The following MYO7B variants were observed in gnomAD, a reference collection of about 807,000 sequenced individuals.
MYO7B encodes myosin VIIB.
Under a neutral mutation model 259.7 loss-of-function variants are expected in MYO7B, and 212 were observed. The observed-to-expected ratio is 0.82, with a 90% CI of 0.73 to 0.91. MYO7B has a LOEUF of 0.91. MYO7B is among the 40% of genes least tolerant of loss of function. The pLI is 0.00. For missense variants in MYO7B, 2,732 were observed against 2,813.5 expected (o/e 0.97, Z 0.66); for synonymous variants, 1,197 against 1,166.4 (o/e 1.03, Z -0.54).
At chr2:127,608,489 T>G (rs1318065907) in intron 21 of MYO7B, among the ~76,000 whole-genome samples, 1 of 152,226 alleles carries the variant, frequency 6.6e-6, no homozygotes, top group Non-Finnish European at 1.5e-5. Context: ...TCTCCAGAGC[T>G]CTGATTATCA....
chr2:127,626,170 G>A (rs1201692885), intron 31 of MYO7B: 2 of 152,392 alleles, frequency 1.3e-5, no homozygotes, highest in African/African-American at 2.4e-5. Flanking sequence ...AAGGTGGGGA[G>A]TTAGGAAAGA....
intron 14 of MYO7B, among the ~76,000 whole-genome samples, chr2:127,587,716 A>T (rs1349072808): frequency 6.6e-6 from 1 of 151,902 alleles, no homozygotes; most frequent in African/African-American, 2.4e-5. Flanking sequence ...TTACAGGCAC[A>T]TGCCACCATG....
intron 43 of MYO7B, 46 bp from the exon 44 acceptor site, chr2:127,635,676 G>C (rs764804451): frequency 6.5e-7 from 1 of 1,543,644 alleles, no homozygotes; most frequent in African/African-American, 1.4e-5. Context: ...GGGGGCGGGT[G>C]GGCCGCAGCT....
Position 127,576,237 on chromosome 2 carries a change from GGCTGTCAGATCTCTCGTGGGCCACTAAGT to G in MYO7B, c.736-355_736-327del, listed in dbSNP as rs1678860837. Among the ~76,000 whole-genome samples the G allele has an allele frequency of 6.6e-6, 1 of 152,016 alleles. No individual in the cohort carries two copies. The highest frequency in any genetic ancestry group is 1.5e-5 in the Non-Finnish European group (1 of 67,994). On this transcript the variant is annotated intron_variant, in intron 7 of 47. Coordinates refer to ENST00000409816, the MANE Select transcript of MYO7B (RefSeq NM_001393586.1). The surrounding 1 kb of genome is among the most constrained non-coding windows in gnomAD (Gnocchi z 4.9). ...ATACTGAAGGCCTAGGGAGCCCCGT[GGCTGTCAGATCTCTCGTGGGCCACTAAGT>G]GCCTGTGAAGACTGTGGGACTATAA...
chr2:127,624,011 C>T (rs766732693), intron 29 of MYO7B, 82 bp from the exon 30 acceptor site: 231 of 1,317,472 alleles, frequency 1.8e-4, no homozygotes, highest in Non-Finnish European at 2.2e-4. Flanking sequence ...CTGTCTTCTA[C>T]GTGCACACGC....
intron 1 of MYO7B, among the ~76,000 whole-genome samples, chr2:127,536,034 G>A (rs1692760233): frequency 6.6e-6 from 1 of 152,166 alleles, no homozygotes; most frequent in Admixed American, 6.5e-5. Flanking sequence ...AGCACCTGGG[G>A]GGCTGAGGAG....
At position 127,637,049 on chromosome 2, in the gene MYO7B, G is replaced by A. The variant is rs546764008; in HGVS notation, c.6327+136G>A. On this transcript the variant is annotated intron_variant, in intron 47 of 47. Coordinates refer to ENST00000409816, the MANE Select transcript of MYO7B (RefSeq NM_001393586.1). ...GGCCCAGGCGGGGCCAGCAGATCTG[G>A]AGAGGGCCTGGGTGCATCCCCAGGA... is the stretch of plus-strand genomic sequence containing the variant. 19 of 1,440,310 alleles carry A rather than the reference G, an allele frequency of 1.3e-5. No individual in the cohort carries two copies. In the African/African-American group the frequency reaches 1.4e-4, roughly 11 times the overall value. 89.2% of individuals were successfully genotyped at this position (1,440,310 alleles called of 1,614,324 possible).
chr2:127,565,317 C>A lies in MYO7B; in HGVS notation c.217C>A (p.Leu73Met). The A allele has an allele frequency of 1.2e-6, 2 of 1,614,054 alleles. No homozygotes were observed. The highest frequency in any genetic ancestry group is 1.7e-6 in the Non-Finnish European group (2 of 1,179,890). Residue 73 changes from leucine (L) to methionine (M), a missense_variant, in exon 4 of 48, where the codon CTG becomes ATG. Leu to Met is a conservative substitution (Grantham distance 15). Around this residue, in one of 3 missense-constraint regions of MYO7B, gnomAD observed 1,906 missense variants for 2,026.4 expected, o/e 0.94. Coordinates refer to ENST00000409816, the MANE Select transcript of MYO7B (RefSeq NM_001393586.1). ...CCAGGGTGTGGACGACATGATCCGC[C>A]TGGGGGACCTGAACGAGGCAGGCAT... ...SVQGVDDMIR[L>M]GDLNEAGMVH...
intron 5 of MYO7B, among the ~76,000 whole-genome samples, chr2:127,567,492 G>C (rs533434822): frequency 6.6e-6 from 1 of 152,332 alleles, no homozygotes; most frequent in Non-Finnish European, 1.5e-5. Context: ...CAGACCCTGA[G>C]AACTTGGAGG....
At chr2:127,568,571 A>G (rs1178225547) in intron 5 of MYO7B, among the ~76,000 whole-genome samples, 1 of 152,134 alleles carries the variant, frequency 6.6e-6, no homozygotes, top group African/African-American at 2.4e-5. Context: ...TGGCATAGTG[A>G]TTGTGGGTAT....
At chr2:127,602,388 C>A (rs1214805458) in intron 19 of MYO7B, among the ~76,000 whole-genome samples, 2 of 152,220 alleles carry the variant, frequency 1.3e-5, no homozygotes, top group African/African-American at 4.8e-5. Flanking sequence ...TGGCTCATAC[C>A]TGTAATCCCA....
rs1044462438 is a variant in MYO7B, at chr2:127,576,440, C to G, written c.736-155C>G. On this transcript the variant is annotated intron_variant, in intron 7 of 47. Transcript: ENST00000409816. The surrounding 1 kb of genome is among the most constrained non-coding windows in gnomAD (Gnocchi z 4.9). ...GGAGGCCCGGGACAGGGACAGCAAC[C>G]AAGCCAGGCTGGCCCTGGGTCAGTG... 3.3e-5 allele frequency among the ~76,000 whole-genome samples: 5 copies of G among 152,138 alleles called. No homozygotes were observed. The highest frequency in any genetic ancestry group is 1.2e-4 in the African/African-American group (5 of 41,424).
In MYO7B at chr2:127,636,741, C is replaced by T; in HGVS notation, c.6208-53C>T. On this transcript the variant is annotated intron_variant, in intron 46 of 47. Transcript: ENST00000409816. The surrounding 1 kb of genome is among the most constrained non-coding windows in gnomAD (Gnocchi z 4.5). ...TGCCTCTCTCCTGTCCCCTAACACA[C>T]ACAGAGCCCGTGCTCTGGAGGCGTC... 6.2e-7 allele frequency: 1 copy of T among 1,612,238 alleles called. No homozygotes were observed. The highest frequency in any genetic ancestry group is 8.5e-7 in the Non-Finnish European group (1 of 1,179,192).
chr2:127,627,383 T>TTTGTG lies in MYO7B; in HGVS notation c.4460+73_4460+74insTTGTG. The TTTGTG allele has an allele frequency of 9.2e-7, 1 of 1,092,794 alleles. No homozygotes were observed. Among genetic ancestry groups the TTTGTG allele is most frequent in the Non-Finnish European group, 1.2e-6 (1 of 824,546 alleles). 67.7% of individuals were successfully genotyped at this position (1,092,794 alleles called of 1,614,324 possible). ...ATGCATCTGGGGGCTCGGGGAGAGA[T>TTTGTG]GGGGAGAGGGGCAGTGTGCCGTCCC... On this transcript the variant is annotated intron_variant, in intron 33 of 47. Coordinates refer to ENST00000409816, the MANE Select transcript of MYO7B (RefSeq NM_001393586.1). The surrounding 1 kb of genome is among the most constrained non-coding windows in gnomAD (Gnocchi z 5.6).
At chr2:127,563,095 T>C (rs1165691781) in intron 2 of MYO7B, among the ~76,000 whole-genome samples, 3 of 152,228 alleles carry the variant, frequency 2.0e-5, no homozygotes, top group Admixed American at 1.3e-4. Context: ...AACTCATGTC[T>C]CATCCTTTTT....
At chr2:127,573,846 C>A in intron 6 of MYO7B, 74 bp from the exon 7 acceptor site, 1 of 1,584,168 alleles carries the variant, frequency 6.3e-7, no homozygotes, top group Non-Finnish European at 8.6e-7. Flanking sequence ...CTGAGAAGCC[C>A]TCTTACATGA....
Position 127,623,088 on chromosome 2 carries a change from G to A in MYO7B, c.3646-114G>A, listed in dbSNP as rs532981869. 31 of 1,305,546 alleles carry A rather than the reference G, an allele frequency of 2.4e-5. No homozygotes were observed. The South Asian group carries it at 3.0e-4, about 13-fold the overall frequency. The allele number at this position is 1,305,546 out of a possible 1,614,324, so 80.9% of individuals were successfully genotyped here. A position where few individuals can be genotyped will look rare whatever the true frequency, so the allele number is the denominator to read the frequency against. On this transcript the variant is annotated intron_variant, in intron 28 of 47. Coordinates refer to ENST00000409816, the MANE Select transcript of MYO7B (RefSeq NM_001393586.1). ...AGAGGGCCCACCCCTGGGAACCCAC[G>A]GGATGGCAAGCAGGGCCCATGGGCT...
At chr2:127,549,159 CCTTCCTTTCTTT>C (rs768060566) in intron 1 of MYO7B, among the ~76,000 whole-genome samples, 221 of 133,758 alleles carry the variant, frequency 1.7e-3, no homozygotes, top group Middle Eastern at 3.6e-3. Context: ...TTCCTTCCTT[CCTTCCTTTCTTT>C]CTTTCTTTCT....
At position 127,623,159 on chromosome 2, in the gene MYO7B, T is replaced by C. The variant is rs1260121665; in HGVS notation, c.3646-43T>C. 6.2e-6 allele frequency: 10 copies of C among 1,607,536 alleles called. No homozygotes were observed. The East Asian group carries it at 2.2e-4, about 36-fold the overall frequency. On this transcript the variant is annotated intron_variant, in intron 28 of 47. Transcript: ENST00000409816. Reference sequence around the variant, plus strand: ...GGATGGGGGGTTGGCCTCCTGTCCATAGGTTCCAAGAGGCCAGGGAACTGA... The same window carrying C: ...GGATGGGGGGTTGGCCTCCTGTCCACAGGTTCCAAGAGGCCAGGGAACTGA...
Sources: gnomAD v4.1 joint callset for allele counts (sites outside exome capture counted in the v4.1 genomes callset) on GRCh38, gnomAD v4.1.1 for gene constraint, gnomAD v4.1.1 regional missense constraint, Gnocchi (gnomAD v3.1) non-coding constraint, MANE v1.5 for transcripts, NCBI Gene and HGNC (gene_info 2026-07-23, HGNC 2026-07-21) for gene names.